AOAH: variants seen among roughly 807,000 people sequenced by gnomAD.
AOAH encodes acyloxyacyl hydrolase, also known as acyloxyacyl hydrolase (neutrophil).
A neutral mutation model predicts 92.2 loss-of-function variants in AOAH; 64 were observed. The ratio of observed to expected loss-of-function variants is 0.69; its 90% CI spans 0.57 to 0.86. The LOEUF is 0.86. Among genes scored for constraint, AOAH ranks in the 40% least tolerant of loss-of-function variants. AOAH has a pLI of 0.00. For synonymous variants in AOAH, 263 were observed against 254.5 expected, an observed-to-expected ratio of 1.03 and a Z score of -0.32; for missense variants, 656 against 694.6, an observed-to-expected ratio of 0.94 and a Z score of 0.62.
intron 1 of AOAH, 36 bp from the exon 2 acceptor site, chr7:36,686,830 C>T: frequency 7.2e-7 from 1 of 1,397,376 alleles, no homozygotes; most frequent in South Asian, 1.5e-5. Context: ...ATCTGTGTCA[C>T]ACAGAAAACT....
At chr7:36,623,911 TG>T (rs1477362683) in intron 6 of AOAH, among the ~76,000 whole-genome samples, 1 of 152,236 alleles carries the variant, frequency 6.6e-6, no homozygotes, top group Admixed American at 6.5e-5. Context: ...TGCAGTCATA[TG>T]GCAATGAGGC....
At chr7:36,652,121 C>T (rs993491535) in intron 4 of AOAH, among the ~76,000 whole-genome samples, 1 of 151,856 alleles carries the variant, frequency 6.6e-6, no homozygotes, top group African/African-American at 2.4e-5. Flanking sequence ...GATTCAAGGA[C>T]AGGGGCAGAA....
intron 11 of AOAH, 88 bp downstream of exon 11, chr7:36,616,283 TGCACCTGTG>T: frequency 2.1e-6 from 2 of 950,900 alleles, no homozygotes; most frequent in Non-Finnish European, 3.3e-6. Context: ...GAGGGAAATT[TGCACCTGTG>T]TGGAGTTGGC....
chr7:36,655,707 C>T (rs1308798473), intron 4 of AOAH, among the ~76,000 whole-genome samples: 2 of 152,106 alleles, frequency 1.3e-5, no homozygotes, highest in Admixed American at 1.3e-4. Flanking sequence ...ATCAGGGATG[C>T]AAATGAGAAG....
intron 1 of AOAH, among the ~76,000 whole-genome samples, chr7:36,704,318 T>C (rs1470005837): frequency 6.6e-6 from 1 of 152,192 alleles, no homozygotes; most frequent in Non-Finnish European, 1.5e-5. Flanking sequence ...TTCACTCTGA[T>C]GACAGTTTCT....
intron 3 of AOAH, among the ~76,000 whole-genome samples, chr7:36,665,166 T>C (rs1795458953): frequency 6.6e-6 from 1 of 151,752 alleles, no homozygotes; most frequent in African/African-American, 2.4e-5. Flanking sequence ...ATTCCCTCTA[T>C]TCATGAACAT....
intron 11 of AOAH, among the ~76,000 whole-genome samples, chr7:36,601,849 C>G (rs1028425260): frequency 6.6e-6 from 1 of 152,190 alleles, no homozygotes; most frequent in Non-Finnish European, 1.5e-5. Flanking sequence ...TCCAGTATTG[C>G]TAACACCGCA....
At chr7:36,571,012 G>T (rs1788108418) in intron 13 of AOAH, among the ~76,000 whole-genome samples, 1 of 152,190 alleles carries the variant, frequency 6.6e-6, no homozygotes. Context: ...CAAGGAAAGT[G>T]CAATAACAGA....
chr7:36,629,789 T>C (rs1792942845), intron 6 of AOAH, among the ~76,000 whole-genome samples: 1 of 152,184 alleles, frequency 6.6e-6, no homozygotes, highest in Non-Finnish European at 1.5e-5. Flanking sequence ...TTAGTACTCA[T>C]GAAGCTCGTG....
chr7:36,708,428 C>A (rs9691655), intron 1 of AOAH, among the ~76,000 whole-genome samples: 2,041 of 151,996 alleles, frequency 0.013, 52 homozygotes, highest in African/African-American at 0.047. Context: ...GAAATTTTTT[C>A]TATTTGCTGA....
intron 4 of AOAH, among the ~76,000 whole-genome samples, chr7:36,655,933 G>T (rs1349532642): frequency 6.6e-6 from 1 of 152,086 alleles, no homozygotes; most frequent in African/African-American, 2.4e-5. Flanking sequence ...TGATAAGAGG[G>T]CTATCTAATA....
chr7:36,556,026 C>CAAGAATGTG (rs1786679395), intron 13 of AOAH, among the ~76,000 whole-genome samples: 1 of 152,094 alleles, frequency 6.6e-6, no homozygotes, highest in East Asian at 1.9e-4. Context: ...CTTCTGCTAG[C>CAAGAATGTG]TTTTGAATGT....
At chr7:36,531,704 G>T (rs1784698851) in intron 18 of AOAH, among the ~76,000 whole-genome samples, 1 of 152,192 alleles carries the variant, frequency 6.6e-6, no homozygotes, top group Non-Finnish European at 1.5e-5. Flanking sequence ...TGTAAACCAT[G>T]TTCTTTGAGC....
intron 11 of AOAH, among the ~76,000 whole-genome samples, chr7:36,595,849 G>A (rs1299310605): frequency 3.3e-5 from 5 of 152,166 alleles, no homozygotes; most frequent in African/African-American, 1.2e-4. Context: ...CTCCCTTCGG[G>A]TAAATGTGAA....
In AOAH at chr7:36,654,946, T is replaced by C. The variant is rs1045719336; in HGVS notation, c.390+4220A>G. Among the ~76,000 whole-genome samples, 9 of 152,244 alleles carry C rather than the reference T, an allele frequency of 5.9e-5. No individual in the cohort carries two copies. In the East Asian group the frequency reaches 1.7e-3, roughly 29 times the overall value. ...AAATTCCTCAACTGTAAAATAAATA[T>C]GGACCTAACAGCACAGTTAAATGAG... On this transcript the variant is annotated intron_variant, in intron 4 of 20. Coordinates refer to ENST00000617537, the MANE Select transcript of AOAH (RefSeq NM_001637.4).
At chr7:36,705,942 A>G (rs1798374805) in intron 1 of AOAH, among the ~76,000 whole-genome samples, 1 of 152,220 alleles carries the variant, frequency 6.6e-6, no homozygotes. Flanking sequence ...GTGTTGGGAA[A>G]ACTGGCTAGC....
At chr7:36,542,197 GT>G (rs1231027728) in intron 15 of AOAH, among the ~76,000 whole-genome samples, 1 of 152,156 alleles carries the variant, frequency 6.6e-6, no homozygotes, top group Non-Finnish European at 1.5e-5. Context: ...AGACACTGGG[GT>G]TATGGCTGCC....
chr7:36,683,020 C>T (rs545499764), intron 2 of AOAH, among the ~76,000 whole-genome samples: 1 of 152,250 alleles, frequency 6.6e-6, no homozygotes, highest in Non-Finnish European at 1.5e-5. Flanking sequence ...TACACAACAG[C>T]TGGCACCAAA....
At chr7:36,723,940 A>G in intron 1 of AOAH, 82 bp downstream of exon 1, 3 of 1,441,608 alleles carry the variant, frequency 2.1e-6, no homozygotes, top group Non-Finnish European at 2.8e-6. Flanking sequence ...ATTTAATAAA[A>G]TATGTGATTT....
Sources: allele counts gnomAD v4.1 joint callset (sites outside exome capture counted in the v4.1 genomes callset), GRCh38; gene constraint gnomAD v4.1.1; transcripts MANE v1.5; gene names NCBI Gene and HGNC (gene_info 2026-07-23, HGNC 2026-07-21).